The following PIK3R1 variants were observed in gnomAD, a reference collection of about 807,000 sequenced individuals.
The protein encoded by PIK3R1 is phosphoinositide-3-kinase regulatory subunit 1.
A neutral mutation model predicts 98.0 loss-of-function variants in PIK3R1; 29 were observed. That is an observed-to-expected ratio of 0.30 (90% CI 0.22 to 0.40). The LOEUF is 0.40. Ranked by LOEUF, PIK3R1 falls within the 10% of genes least tolerant of loss-of-function variation. The pLI is 1.00. For missense variants in PIK3R1, 596 were observed against 872.7 expected (o/e 0.68, Z 3.99); for synonymous variants, 282 against 311.8 (o/e 0.90, Z 1.01).
intron 2 of PIK3R1, among the ~76,000 whole-genome samples, chr5:68,250,451 C>T (rs1745262351): frequency 6.6e-6 from 1 of 152,174 alleles, no homozygotes; most frequent in Admixed American, 6.5e-5. Context: ...AGATTATTTC[C>T]ATTGGCCTTG....
chr5:68,295,566 A>G, intron 14 of PIK3R1, 78 bp downstream of exon 14: 1 of 1,215,080 alleles, frequency 8.2e-7, no homozygotes, highest in Non-Finnish European at 1.2e-6. Context: ...TTGTTTTTAG[A>G]ACAAGTGAGG....
At chr5:68,284,626 C>T (rs1053708958) in intron 7 of PIK3R1, among the ~76,000 whole-genome samples, 1 of 152,220 alleles carries the variant, frequency 6.6e-6, no homozygotes, top group African/African-American at 2.4e-5. Context: ...TATGTTTATG[C>T]CTTTAAGCTT....
intron 5 of PIK3R1, chr5:68,280,267 A>G (rs1746771665): frequency 5.8e-6 from 3 of 514,272 alleles, no homozygotes; most frequent in Non-Finnish European, 1.0e-5. Flanking sequence ...ATACTGGGTA[A>G]GTTGCTGCCA....
At chr5:68,294,417 A>G in intron 11 of PIK3R1, 119 bp from the exon 12 acceptor site, 1 of 623,112 alleles carries the variant, frequency 1.6e-6, no homozygotes, top group Non-Finnish European at 2.5e-6. Flanking sequence ...GTTTTAATGG[A>G]TTTTATGAAT....
chr5:68,263,619 A>T (rs1161997900), intron 2 of PIK3R1, among the ~76,000 whole-genome samples: 2 of 152,164 alleles, frequency 1.3e-5, no homozygotes, highest in Non-Finnish European at 2.9e-5. Flanking sequence ...TTAAACTCTG[A>T]TTCCTTACAC....
At chr5:68,288,463 G>A (rs921486180) in intron 7 of PIK3R1, 2 of 1,293,188 alleles carry the variant, frequency 1.5e-6, no homozygotes, top group Non-Finnish European at 2.0e-6. Flanking sequence ...AGCCGGCAGT[G>A]AGCGGCGGTG....
intron 7 of PIK3R1, among the ~76,000 whole-genome samples, chr5:68,286,797 A>G (rs1436485365): frequency 6.6e-6 from 1 of 152,240 alleles, no homozygotes; most frequent in Non-Finnish European, 1.5e-5. Flanking sequence ...TTTTGACATG[A>G]AACATCATGT....
In PIK3R1 at chr5:68,226,997, G is replaced by A. The variant is rs1580173930; in HGVS notation, c.322G>A (p.Val108Ile). The change falls in exon 2 of 16, where the codon GTT becomes ATT. Residue 108 changes from valine to isoleucine, a missense_variant. Val to Ile is a conservative substitution (Grantham distance 29). This residue lies in a region of PIK3R1 where 352 missense variants were observed against 393.3 expected (regional missense o/e 0.90). Transcript: ENST00000521381. ...AGGTTCTTCGAAAACTGAAGCAGAT[G>A]TTGAACAACAAGGTCAGTATTGATA... ...APGSSKTEAD[V>I]EQQALTLPDL... The A allele has an allele frequency of 6.2e-7, 1 of 1,611,580 alleles. No homozygotes were observed. Among genetic ancestry groups the A allele is most frequent in the Non-Finnish European group, 8.5e-7 (1 of 1,179,002 alleles).
intron 2 of PIK3R1, 54 bp downstream of exon 2, chr5:68,227,063 A>T (rs987117187): frequency 6.7e-7 from 1 of 1,495,476 alleles, no homozygotes; most frequent in African/African-American, 1.4e-5. Context: ...CTTTTTAAGG[A>T]AAAGTCTTAA....
intron 2 of PIK3R1, among the ~76,000 whole-genome samples, chr5:68,250,130 G>C (rs1745246776): frequency 6.6e-6 from 1 of 152,212 alleles, no homozygotes; most frequent in African/African-American, 2.4e-5. Flanking sequence ...CCAGTGGTGT[G>C]TGTCTTCCTT....
chr5:68,280,188 T>C, intron 5 of PIK3R1: 1 of 348,776 alleles, frequency 2.9e-6, no homozygotes, highest in East Asian at 5.1e-5. Flanking sequence ...TTCGTAACCT[T>C]CAAAGTTAAA....
rs201618039 is a variant in PIK3R1 at position 68,297,421 on chromosome 5, C to T, written c.1995C>T (p.Gly665=). Residue 665 remains glycine, a synonymous_variant, in exon 16 of 16, where the codon GGC becomes GGT. Coordinates refer to ENST00000521381, the MANE Select transcript of PIK3R1 (RefSeq NM_181523.3). ...GCYACSVVVD[G]EVKHCVINKT... ...CTTCTCTCCTCTCTAGGGTGGACGGCGAAGTAAAGCATTGTGTCATAAACA... is the reference window on the plus strand; with the variant it reads ...CTTCTCTCCTCTCTAGGGTGGACGGTGAAGTAAAGCATTGTGTCATAAACA... 54 of 1,612,848 alleles carry T rather than the reference C, an allele frequency of 3.3e-5. No homozygotes were observed. Among genetic ancestry groups the T allele is most frequent in the Middle Eastern group, 1.6e-4 (1 of 6,062 alleles).
chr5:68,266,449 A>G (rs1746126492), intron 2 of PIK3R1, among the ~76,000 whole-genome samples: 1 of 152,210 alleles, frequency 6.6e-6, no homozygotes, highest in Non-Finnish European at 1.5e-5. Flanking sequence ...TCTGCATTTC[A>G]AAGTAGTTCA....
Position 68,225,615 on chromosome 5 carries a change from C to G in PIK3R1, c.-386-675C>G, listed in dbSNP as rs544445738. 8.5e-5 allele frequency among the ~76,000 whole-genome samples: 13 copies of G among 152,330 alleles called. No individual in the cohort carries two copies. In the South Asian group the frequency reaches 1.9e-3, roughly 22 times the overall value. On this transcript the variant is annotated intron_variant, in intron 1 of 15. Coordinates refer to ENST00000521381, the MANE Select transcript of PIK3R1 (RefSeq NM_181523.3). Reference sequence around the variant, plus strand: ...ACCCTGGTTTGTGTCCTCACTACCTCTTGGCCAGACCTCTGCAACACACCT... The same window carrying G: ...ACCCTGGTTTGTGTCCTCACTACCTGTTGGCCAGACCTCTGCAACACACCT...
At chr5:68,244,281 T>C (rs1744981265) in intron 2 of PIK3R1, among the ~76,000 whole-genome samples, 2 of 152,172 alleles carry the variant, frequency 1.3e-5, no homozygotes, top group African/African-American at 4.8e-5. Context: ...AAAATTCCTT[T>C]TATTTTTTTC....
intron 1 of PIK3R1, among the ~76,000 whole-genome samples, chr5:68,223,370 C>CTT (rs78110753): frequency 2.1e-5 from 3 of 143,656 alleles, no homozygotes; most frequent in African/African-American, 2.6e-5. Flanking sequence ...GACTGCTCTC[C>CTT]TTTTTTTTTT....
intron 5 of PIK3R1, chr5:68,280,284 C>A (rs1746772940): frequency 1.8e-6 from 1 of 543,248 alleles, no homozygotes; most frequent in Non-Finnish European, 3.3e-6. Context: ...GCCAGCACAC[C>A]CTGAACAGCT....
chr5:68,239,623 CCAAA>C (rs1744796830), intron 2 of PIK3R1, among the ~76,000 whole-genome samples: 2 of 152,150 alleles, frequency 1.3e-5, no homozygotes, highest in African/African-American at 4.8e-5. Context: ...GGATTTGACC[CCAAA>C]CAGTCTGACT....
chr5:68,235,103 T>TA (rs1316613487), intron 2 of PIK3R1, among the ~76,000 whole-genome samples: 1 of 152,124 alleles, frequency 6.6e-6, no homozygotes. Flanking sequence ...TTATTCTATT[T>TA]AAAAAAATAA....
Sources: allele counts gnomAD v4.1 joint callset (sites outside exome capture counted in the v4.1 genomes callset), GRCh38; gene constraint gnomAD v4.1.1; regional missense constraint gnomAD v4.1.1; transcripts MANE v1.5; gene names NCBI Gene and HGNC (gene_info 2026-07-23, HGNC 2026-07-21).